R3HDM2: variants seen among roughly 807,000 people sequenced by gnomAD.
The protein encoded by R3HDM2 is R3H domain-containing protein 2.
R3HDM2 carries 38 observed loss-of-function variants against 124.5 expected under a neutral mutation model. The ratio of observed to expected loss-of-function variants is 0.31; its 90% confidence interval spans 0.24 to 0.40. The LOEUF is 0.40. Ranked by LOEUF, R3HDM2 falls within the 10% of genes least tolerant of loss-of-function variation. R3HDM2 has a pLI of 1.00. For missense variants in R3HDM2, 869 were observed against 1,236.9 expected (o/e 0.70, Z 4.46); for synonymous variants, 391 against 448.0 (o/e 0.87, Z 1.61).
At chr12:57,264,757 C>T (rs564764419) in intron 19 of R3HDM2, among the ~76,000 whole-genome samples, 2 of 152,042 alleles carry the variant, frequency 1.3e-5, no homozygotes, top group South Asian at 4.2e-4. Flanking sequence ...CTCAGCCTCT[C>T]AAGTAGCTGG....
intron 14 of R3HDM2, among the ~76,000 whole-genome samples, chr12:57,275,448 T>G (rs1287542448): frequency 9.4e-6 from 1 of 106,420 alleles, no homozygotes; most frequent in Non-Finnish European, 2.0e-5. Context: ...CCAAATGCAA[T>G]AAAAACAAAG....
intron 2 of R3HDM2, among the ~76,000 whole-genome samples, chr12:57,373,123 G>A (rs1366987943): frequency 6.6e-6 from 1 of 152,178 alleles, no homozygotes; most frequent in Non-Finnish European, 1.5e-5. Flanking sequence ...AATCACTTGA[G>A]CCAAGGAGTT....
intron 2 of R3HDM2, among the ~76,000 whole-genome samples, chr12:57,386,323 G>T (rs1033311724): frequency 5.3e-5 from 8 of 152,236 alleles, no homozygotes; most frequent in African/African-American, 1.9e-4. Context: ...GAGAGGCACG[G>T]GCGGGAACCG....
chr12:57,419,170 T>A (rs1445083134), intron 1 of R3HDM2, among the ~76,000 whole-genome samples: 4 of 149,878 alleles, frequency 2.7e-5, no homozygotes, highest in Non-Finnish European at 5.9e-5. Flanking sequence ...TTGATACGGA[T>A]TCTTGCTCTG....
At chr12:57,390,751 C>T (rs1319292531) in intron 2 of R3HDM2, among the ~76,000 whole-genome samples, 4 of 151,524 alleles carry the variant, frequency 2.6e-5, no homozygotes, top group Non-Finnish European at 5.9e-5. Context: ...GTGGCTCACG[C>T]CTGCAATCCC....
At chr12:57,297,999 T>C (rs539754542) in intron 7 of R3HDM2, 91 bp downstream of exon 7, 2 of 889,488 alleles carry the variant, frequency 2.2e-6, no homozygotes, top group African/African-American at 1.7e-5. Context: ...TCCTAGATTC[T>C]AAGAATGGAA....
chr12:57,329,252 A>C (rs2057770824), intron 2 of R3HDM2, among the ~76,000 whole-genome samples: 1 of 152,168 alleles, frequency 6.6e-6, no homozygotes, highest in Non-Finnish European at 1.5e-5. Context: ...ATGGTGAATG[A>C]GGGGTAAAAC....
intron 2 of R3HDM2, among the ~76,000 whole-genome samples, chr12:57,360,420 T>C (rs900289431): frequency 6.6e-6 from 1 of 151,852 alleles, no homozygotes; most frequent in African/African-American, 2.4e-5. Context: ...TTTTTAAAAA[T>C]TAAGAAAAAG....
Position 57,379,529 on chromosome 12 carries a change from G to A in R3HDM2, c.-36+16220C>T, listed in dbSNP as rs1018198525. ...TGGGAGGAGGAGGTTGTGGTGAGCT[G>A]AGATTGCACCATTGCACTCCAGCCT... is the stretch of plus-strand genomic sequence containing the variant. On this transcript the variant is annotated intron_variant, in intron 2 of 23. Coordinates refer to ENST00000402412, the MANE Select transcript of R3HDM2 (RefSeq NM_001394031.1). Among the ~76,000 whole-genome samples the A allele has an allele frequency of 7.9e-5, 12 of 151,882 alleles. 1 individual carries two copies. The highest frequency in any genetic ancestry group is 4.4e-5 in the Non-Finnish European group (3 of 67,998).
At chr12:57,371,115 A>ATTTTTTTTTTTT in intron 2 of R3HDM2, among the ~76,000 whole-genome samples, 1 of 47,868 alleles carries the variant, frequency 2.1e-5, no homozygotes, top group Non-Finnish European at 4.5e-5. Context: ...TTTTTTTTTA[A>ATTTTTTTTTTTT]GATACACACA....
At chr12:57,283,663 C>T (rs763712991) in intron 13 of R3HDM2, among the ~76,000 whole-genome samples, 161 bp downstream of exon 13, 6 of 151,886 alleles carry the variant, frequency 4.0e-5, no homozygotes, top group Non-Finnish European at 5.9e-5. Context: ...CACTTGAACC[C>T]GGGAGACAGA....
intron 1 of R3HDM2, among the ~76,000 whole-genome samples, chr12:57,425,656 G>A (rs576457614): frequency 2.0e-5 from 3 of 151,836 alleles, no homozygotes; most frequent in East Asian, 1.9e-4. Context: ...AAAATTAGCC[G>A]GGCATGATGG....
chr12:57,353,749 T>C (rs1484611519), intron 2 of R3HDM2, among the ~76,000 whole-genome samples: 1 of 152,128 alleles, frequency 6.6e-6, no homozygotes, highest in Non-Finnish European at 1.5e-5. Context: ...ATAGAGCAGG[T>C]ATAAAAAATC....
chr12:57,259,408 G>A (rs1018384026), intron 19 of R3HDM2, among the ~76,000 whole-genome samples: 2 of 152,222 alleles, frequency 1.3e-5, no homozygotes, highest in Non-Finnish European at 2.9e-5. Context: ...CATGGTACGG[G>A]TCCAGGTCTG....
intron 2 of R3HDM2, among the ~76,000 whole-genome samples, chr12:57,330,855 C>T (rs548184457): frequency 9.9e-5 from 15 of 151,934 alleles, no homozygotes; most frequent in South Asian, 6.2e-4. Context: ...CCCGCCACCA[C>T]GCCCTGCTAA....
intron 2 of R3HDM2, among the ~76,000 whole-genome samples, chr12:57,382,844 A>G (rs1386304961): frequency 6.6e-6 from 1 of 151,770 alleles, no homozygotes; most frequent in Non-Finnish European, 1.5e-5. Context: ...TCAAAAATAA[A>G]TAACTAAATA....
chr12:57,260,162 G>C (rs2040306524), intron 19 of R3HDM2, among the ~76,000 whole-genome samples: 1 of 150,032 alleles, frequency 6.7e-6, no homozygotes, highest in South Asian at 2.1e-4. Flanking sequence ...AGCTCAGGAG[G>C]CTGAGGTGAG....
At chr12:57,285,111 A>C (rs1177256632) in intron 12 of R3HDM2, among the ~76,000 whole-genome samples, 1 of 152,214 alleles carries the variant, frequency 6.6e-6, no homozygotes, top group Non-Finnish European at 1.5e-5. Flanking sequence ...TAAGCAAAAA[A>C]TCATTGTAGT....
At chr12:57,408,075 G>A (rs1479947071) in intron 1 of R3HDM2, among the ~76,000 whole-genome samples, 1 of 152,088 alleles carries the variant, frequency 6.6e-6, no homozygotes, top group African/African-American at 2.4e-5. Context: ...AATTACAGGC[G>A]TTTGCCACCA....
Sources: allele counts gnomAD v4.1 joint callset (sites outside exome capture counted in the v4.1 genomes callset), GRCh38; gene constraint gnomAD v4.1.1; transcripts MANE v1.5; gene names NCBI Gene and HGNC (gene_info 2026-07-23, HGNC 2026-07-21).